IL1RAPL2: variants seen among roughly 807,000 people sequenced by gnomAD.
The protein encoded by IL1RAPL2 is X-linked interleukin-1 receptor accessory protein-like 2.
In IL1RAPL2, 3 loss-of-function variants were observed where a neutral mutation model predicts 44.1. The ratio of observed to expected loss-of-function variants is 0.07; its 90% CI spans 0.03 to 0.18. IL1RAPL2 has a LOEUF of 0.18. Ranked by LOEUF, IL1RAPL2 falls within the 10% of genes least tolerant of loss-of-function variation. IL1RAPL2 has a pLI of 1.00. For missense variants in IL1RAPL2, 391 were observed against 496.4 expected, an observed-to-expected ratio of 0.79 and a Z score of 2.02; for synonymous variants, 181 against 178.8, an observed-to-expected ratio of 1.01 and a Z score of -0.10.
intron 9 of IL1RAPL2, among the ~76,000 whole-genome samples, chrX:105,751,242 T>C (rs2038595088): frequency 9.1e-6 from 1 of 110,369 alleles, no homozygotes; most frequent in Non-Finnish European, 1.9e-5. Flanking sequence ...ACCACTGCAC[T>C]CTGGCCTGGG....
chrX:105,004,879 C>A (rs899146516), intron 2 of IL1RAPL2, among the ~76,000 whole-genome samples: 1 of 110,985 alleles, frequency 9.0e-6, no homozygotes, highest in Non-Finnish European at 1.9e-5. Flanking sequence ...AAATTCAATT[C>A]ACACATTTGG....
At chrX:104,981,716 T>C (rs866370128) in intron 2 of IL1RAPL2, among the ~76,000 whole-genome samples, 2 of 111,455 alleles carry the variant, frequency 1.8e-5, no homozygotes, top group Non-Finnish European at 3.8e-5. Context: ...TGTGGATTTG[T>C]CATAGATTGC....
At position 104,612,618 on chromosome X, in the gene IL1RAPL2, C is replaced by A. The variant is rs767164596; in HGVS notation, c.-20+45567C>A. Among the ~76,000 whole-genome samples, 58 of 111,740 alleles carry A rather than the reference C, an allele frequency of 5.2e-4. 1 individual carries two copies. Among genetic ancestry groups the A allele is most frequent in the African/African-American group, 1.9e-3 (58 of 30,814 alleles). ...TTTGAAGCCAGGTCATGTGATGCCT[C>A]CAGCTTTCTTTTTGTTTAGGATTGC... On this transcript the variant is annotated intron_variant, in intron 1 of 10. Transcript: ENST00000372582.
chrX:105,344,930 GA>G (rs2035098750), intron 5 of IL1RAPL2, among the ~76,000 whole-genome samples: 2 of 111,663 alleles, frequency 1.8e-5, no homozygotes, highest in African/African-American at 6.5e-5. Context: ...AACATTTATA[GA>G]AGTAGATATG....
intron 5 of IL1RAPL2, among the ~76,000 whole-genome samples, chrX:105,433,094 C>T (rs148242813): frequency 9.7e-4 from 107 of 110,563 alleles, no homozygotes; most frequent in African/African-American, 3.4e-3. Context: ...TATTACTTTC[C>T]ATGTAGTTCA....
intron 2 of IL1RAPL2, among the ~76,000 whole-genome samples, chrX:105,076,642 G>T (rs1443055370): frequency 9.0e-6 from 1 of 111,153 alleles, no homozygotes; most frequent in Non-Finnish European, 1.9e-5. Flanking sequence ...TGACAGTGGG[G>T]TGTTAAAATC....
Position 105,024,428 on chromosome X carries a change from T to G in IL1RAPL2, c.83-171047T>G, listed in dbSNP as rs149735800. Among the ~76,000 whole-genome samples the G allele has an allele frequency of 4.9e-3, 549 of 111,482 alleles. 2 individuals carry two copies. Among genetic ancestry groups the G allele is most frequent in the South Asian group, 0.016 (43 of 2,658 alleles). On this transcript the variant is annotated intron_variant, in intron 2 of 10. Transcript: ENST00000372582. ...CTTTTTCAAAAGTCTACCCTCTGGA[T>G]TCAGCTATGATAACTATCGAGCACA...
At chrX:105,151,722 T>C (rs1342142201) in intron 2 of IL1RAPL2, among the ~76,000 whole-genome samples, 1 of 109,811 alleles carries the variant, frequency 9.1e-6, no homozygotes, top group East Asian at 2.9e-4. Context: ...CAGTTTTCAT[T>C]AGAAAGTGGG....
intron 5 of IL1RAPL2, among the ~76,000 whole-genome samples, chrX:105,310,694 ACGAT>A (rs2034790480): frequency 9.0e-6 from 1 of 111,453 alleles, no homozygotes; most frequent in African/African-American, 3.3e-5. Flanking sequence ...AGTTACCATT[ACGAT>A]TTATTATTTG....
rs755682293 is a variant in IL1RAPL2, at chrX:104,675,991, G to T, written c.82+16996G>T. ...ATCCTTTTATTTTGAGTCTATGTGTGTCTCTGCACGTGAGATGGGTTTCCT... is the reference window on the plus strand; with the variant it reads ...ATCCTTTTATTTTGAGTCTATGTGTTTCTCTGCACGTGAGATGGGTTTCCT... On this transcript the variant is annotated intron_variant, in intron 2 of 10. Coordinates refer to ENST00000372582, the MANE Select transcript of IL1RAPL2 (RefSeq NM_017416.2). Among the ~76,000 whole-genome samples the T allele has an allele frequency of 2.7e-3, 288 of 106,435 alleles. 1 individual carries two copies. Among genetic ancestry groups the T allele is most frequent in the African/African-American group, 9.4e-3 (278 of 29,512 alleles). 92.4% of individuals were successfully genotyped at this position (106,435 alleles called of 115,157 possible).
In IL1RAPL2 at chrX:105,563,063, A is replaced by G. The variant is rs147210706; in HGVS notation, c.772+78676A>G. 7.1e-5 allele frequency among the ~76,000 whole-genome samples: 8 copies of G among 111,963 alleles called. No individual in the cohort carries two copies. In the East Asian group the frequency reaches 2.3e-3, roughly 32 times the overall value. On this transcript the variant is annotated intron_variant, in intron 6 of 10. Coordinates refer to ENST00000372582, the MANE Select transcript of IL1RAPL2 (RefSeq NM_017416.2). The stretch of plus-strand genomic sequence containing the variant: ...GTAAAAGACAGTAAGGGTGATGACT[A>G]CTGCTTTTAAATAGGGTAGTCGTGG...
intron 1 of IL1RAPL2, among the ~76,000 whole-genome samples, chrX:104,634,362 A>T (rs543191020): frequency 1.8e-5 from 2 of 111,352 alleles, no homozygotes; most frequent in African/African-American, 6.5e-5. Flanking sequence ...TATTAGGTCC[A>T]CTTGGTGCAG....
intron 2 of IL1RAPL2, among the ~76,000 whole-genome samples, chrX:105,003,315 T>C (rs1438829798): frequency 2.7e-5 from 3 of 111,324 alleles, no homozygotes; most frequent in African/African-American, 9.8e-5. Flanking sequence ...AAAATTTTGG[T>C]TGAAATTTAG....
chrX:104,881,885 T>C (rs767761538), intron 2 of IL1RAPL2, among the ~76,000 whole-genome samples: 1 of 111,765 alleles, frequency 8.9e-6, no homozygotes, highest in Non-Finnish European at 1.9e-5. Context: ...CCCTAAGTCT[T>C]CTGTTAAACT....
chrX:105,063,679 C>T (rs1056504918), intron 2 of IL1RAPL2, among the ~76,000 whole-genome samples: 10 of 111,756 alleles, frequency 8.9e-5, no homozygotes, highest in African/African-American at 2.9e-4. Context: ...TTCTTTTGTA[C>T]TCATTCTTCT....
chrX:105,390,697 A>G (rs1324978396), intron 5 of IL1RAPL2, among the ~76,000 whole-genome samples: 2 of 110,788 alleles, frequency 1.8e-5, no homozygotes, highest in African/African-American at 6.6e-5. Context: ...TATTAATAAT[A>G]GCCATTTCCT....
chrX:104,648,015 G>A, intron 1 of IL1RAPL2: 1 of 655,453 alleles, frequency 1.5e-6, no homozygotes, highest in South Asian at 2.3e-5. Context: ...TCTTCTGCTG[G>A]ACCCTCTCAC....
chrX:104,970,599 T>C lies in IL1RAPL2; in HGVS notation c.83-224876T>C, dbSNP rs1022604736. On this transcript the variant is annotated intron_variant, in intron 2 of 10. Transcript: ENST00000372582. ...TGGTCATTGTCATGGAAAGGGGCGC[T>C]AACTTCTGGGTGTTGCCATGGTAAT... Among the ~76,000 whole-genome samples, 18 of 112,052 alleles carry C rather than the reference T, an allele frequency of 1.6e-4. 1 individual carries two copies. The highest frequency in any genetic ancestry group is 4.6e-3 in the Middle Eastern group (1 of 217).
chrX:104,937,424 G>A (rs772061758), intron 2 of IL1RAPL2, among the ~76,000 whole-genome samples: 1 of 112,076 alleles, frequency 8.9e-6, no homozygotes, highest in East Asian at 2.8e-4. Flanking sequence ...TCTGTATCTA[G>A]CCCAAGGATG....
Sources: allele counts gnomAD v4.1 joint callset (sites outside exome capture counted in the v4.1 genomes callset), GRCh38; gene constraint gnomAD v4.1.1; transcripts MANE v1.5; gene names NCBI Gene and HGNC (gene_info 2026-07-23, HGNC 2026-07-21).